AIG1: variants seen among roughly 807,000 people sequenced by gnomAD.
AIG1 encodes androgen induced 1.
Under a neutral mutation model 31.4 loss-of-function variants are expected in AIG1, and 23 were observed. The observed-to-expected ratio is 0.73, with a 90% CI of 0.53 to 1.04. AIG1 has a LOEUF of 1.04. AIG1 is among the 50% of genes least tolerant of loss of function. The pLI is 0.00. For synonymous variants in AIG1, 100 were observed against 110.5 expected, an observed-to-expected ratio of 0.90 and a Z score of 0.60; for missense variants, 274 against 295.0, an observed-to-expected ratio of 0.93 and a Z score of 0.52.
chr6:143,149,363 A>G lies in AIG1; in HGVS notation c.297+12373A>G, dbSNP rs186019569. ...AACATGGTGAAACCCCGTCCCTACT[A>G]AAAAATACAAAAAATTAGCCAGGCG... On this transcript the variant is annotated intron_variant, in intron 2 of 5. Coordinates refer to ENST00000357847, the MANE Select transcript of AIG1 (RefSeq NM_016108.4). Among the ~76,000 whole-genome samples the G allele has an allele frequency of 2.7e-4, 41 of 151,644 alleles. No homozygotes were observed. The East Asian group carries it at 7.6e-3, about 28-fold the overall frequency.
intron 3 of AIG1, among the ~76,000 whole-genome samples, chr6:143,209,733 T>C (rs1791439148): frequency 6.6e-6 from 1 of 152,168 alleles, no homozygotes; most frequent in African/African-American, 2.4e-5. Context: ...ATATGTATTG[T>C]TGTAGGCCCC....
chr6:143,309,037 G>T (rs1012361582), intron 4 of AIG1, among the ~76,000 whole-genome samples: 10 of 151,812 alleles, frequency 6.6e-5, no homozygotes, highest in African/African-American at 2.4e-4. Flanking sequence ...GAGAGTGGGG[G>T]GCTTCCTTTT....
chr6:143,277,365 C>T (rs1797011214), intron 3 of AIG1, among the ~76,000 whole-genome samples: 2 of 152,140 alleles, frequency 1.3e-5, no homozygotes, highest in Middle Eastern at 3.2e-3. Flanking sequence ...GGAACCCTTC[C>T]GTATCCCATC....
intron 1 of AIG1, among the ~76,000 whole-genome samples, chr6:143,081,232 T>C (rs1251279379): frequency 6.6e-6 from 1 of 152,170 alleles, no homozygotes; most frequent in Non-Finnish European, 1.5e-5. Context: ...TTCTCAACTT[T>C]TCCTGAGGAT....
At position 143,325,301 on chromosome 6, in the gene AIG1, G is replaced by C. The variant is rs890631420; in HGVS notation, c.516-7981G>C. Among the ~76,000 whole-genome samples, 5 of 149,614 alleles carry C rather than the reference G, an allele frequency of 3.3e-5. No individual in the cohort carries two copies. The highest frequency in any genetic ancestry group is 1.3e-4 in the African/African-American group (5 of 39,036). The stretch of plus-strand genomic sequence containing the variant: ...AACCTTTTCCAAGGCCCTTTCATGG[G>C]CCCACTTCCTTCAGACCCTGTACTC... On this transcript the variant is annotated intron_variant, in intron 4 of 5. Transcript: ENST00000357847. This position sits in a 1 kb window ranked among gnomAD's most constrained non-coding sequence, Gnocchi z 4.3.
At chr6:143,131,480 G>A (rs1783234955) in intron 1 of AIG1, among the ~76,000 whole-genome samples, 1 of 152,196 alleles carries the variant, frequency 6.6e-6, no homozygotes, top group African/African-American at 2.4e-5. Context: ...TAAAGGCAGA[G>A]AGCTTTTTCA....
chr6:143,228,243 T>C (rs1235332269), intron 3 of AIG1, among the ~76,000 whole-genome samples: 1 of 152,246 alleles, frequency 6.6e-6, no homozygotes, highest in African/African-American at 2.4e-5. Context: ...TGACCTACAA[T>C]GACCACTTTA....
At chr6:143,260,605 A>G (rs999078526) in intron 3 of AIG1, among the ~76,000 whole-genome samples, 1 of 152,198 alleles carries the variant, frequency 6.6e-6, no homozygotes, top group Admixed American at 6.5e-5. Context: ...GATAACACAA[A>G]CATTGACTGA....
At chr6:143,118,232 A>G (rs1038222743) in intron 1 of AIG1, among the ~76,000 whole-genome samples, 1 of 152,114 alleles carries the variant, frequency 6.6e-6, no homozygotes, top group East Asian at 1.9e-4. Context: ...AGGCCAAGGC[A>G]GTCAGATCAT....
At chr6:143,092,646 A>G (rs2128477146) in intron 1 of AIG1, among the ~76,000 whole-genome samples, 1 of 152,266 alleles carries the variant, frequency 6.6e-6, no homozygotes, top group Non-Finnish European at 1.5e-5. Flanking sequence ...TCAGTAAACC[A>G]TGCTGTAAAC....
chr6:143,067,917 G>T (rs1444497079), intron 1 of AIG1, among the ~76,000 whole-genome samples: 1 of 152,130 alleles, frequency 6.6e-6, no homozygotes, highest in Non-Finnish European at 1.5e-5. Flanking sequence ...AAACTTGAAG[G>T]CTCAAATAAT....
At chr6:143,137,982 A>G (rs1448339636) in intron 2 of AIG1, among the ~76,000 whole-genome samples, 3 of 152,172 alleles carry the variant, frequency 2.0e-5, no homozygotes, top group Non-Finnish European at 2.9e-5. Flanking sequence ...GATTACTCAT[A>G]TTTGTCAGGT....
chr6:143,227,954 C>T (rs1583565113), intron 3 of AIG1, among the ~76,000 whole-genome samples: 1 of 152,326 alleles, frequency 6.6e-6, no homozygotes, highest in Middle Eastern at 3.4e-3. Context: ...ATCTACCTCC[C>T]TTAACCTCCT....
intron 4 of AIG1, among the ~76,000 whole-genome samples, chr6:143,311,711 C>G (rs562595622): frequency 6.6e-6 from 1 of 151,874 alleles, no homozygotes; most frequent in East Asian, 1.9e-4. Context: ...AGCTGGAAGT[C>G]CTAGCTAGAG....
Position 143,148,337 on chromosome 6 carries a change from CAA to C in AIG1, c.297+11368_297+11369del, listed in dbSNP as rs527337431. On this transcript the variant is annotated intron_variant, in intron 2 of 5. Coordinates refer to ENST00000357847, the MANE Select transcript of AIG1 (RefSeq NM_016108.4). The stretch of plus-strand genomic sequence containing the variant: ...GGAACATAGTGAGATCCCATCTCTA[CAA>C]AAAAAAAAAAAAAAAAAAAATTAGC... 6.9e-3 allele frequency among the ~76,000 whole-genome samples: 322 copies of C among 46,360 alleles called. 3 individuals carry two copies. The East Asian group carries it at 0.12, about 17-fold the overall frequency. 30.4% of individuals were successfully genotyped at this position (46,360 alleles called of 152,430 possible).
intron 3 of AIG1, among the ~76,000 whole-genome samples, chr6:143,253,340 C>T (rs1473553574): frequency 6.6e-6 from 1 of 152,192 alleles, no homozygotes; most frequent in Non-Finnish European, 1.5e-5. Context: ...GACCTTACCA[C>T]CTAAATAAGA....
At chr6:143,168,526 C>T (rs1284248592) in intron 3 of AIG1, among the ~76,000 whole-genome samples, 2 of 150,752 alleles carry the variant, frequency 1.3e-5, no homozygotes, top group Admixed American at 6.6e-5. Context: ...TTTGTCCTTG[C>T]GATAGTTTGC....
At chr6:143,199,361 AG>A (rs1790508879) in intron 3 of AIG1, among the ~76,000 whole-genome samples, 1 of 152,112 alleles carries the variant, frequency 6.6e-6, no homozygotes, top group African/African-American at 2.4e-5. Flanking sequence ...CTCAAGCAAA[AG>A]ATGGGGGGGT....
chr6:143,342,302 C>G, downstream of AIG1: 1 of 684,136 alleles, frequency 1.5e-6, no homozygotes, highest in South Asian at 1.5e-5. Flanking sequence ...CGTGGGCTCC[C>G]CTGGTGCGCA....
Sources: gnomAD v4.1 joint callset for allele counts (sites outside exome capture counted in the v4.1 genomes callset) on GRCh38, gnomAD v4.1.1 for gene constraint, Gnocchi (gnomAD v3.1) non-coding constraint, MANE v1.5 for transcripts, NCBI Gene and HGNC (gene_info 2026-07-23, HGNC 2026-07-21) for gene names.